Variants in REPS2 observed in about 807,000 individuals in gnomAD.
The protein encoded by REPS2 is RALBP1 associated Eps domain containing 2.
REPS2 carries 23 observed loss-of-function variants against 53.6 expected under a neutral mutation model. The observed-to-expected ratio is 0.43, with a 90% CI of 0.31 to 0.61. REPS2 has a LOEUF of 0.61. Among genes scored for constraint, REPS2 ranks in the 20% least tolerant of loss-of-function variants. REPS2 has a pLI of 0.11. For missense variants in REPS2, 446 were observed against 534.9 expected, an observed-to-expected ratio of 0.83 and a Z score of 1.64; for synonymous variants, 238 against 218.6, an observed-to-expected ratio of 1.09 and a Z score of -0.78.
intron 13 of REPS2, among the ~76,000 whole-genome samples, chrX:17,101,751 C>G (rs973736172): frequency 4.5e-5 from 5 of 111,866 alleles, no homozygotes; most frequent in Non-Finnish European, 9.4e-5. Context: ...TGGTTGGTTC[C>G]TCTCTCTCAG....
chrX:16,948,995 C>A (rs903654254), intron 1 of REPS2, among the ~76,000 whole-genome samples: 25 of 111,459 alleles, frequency 2.2e-4, no homozygotes, highest in African/African-American at 7.8e-4. Context: ...ACATTGAAGG[C>A]ATCCTGGACA....
intron 14 of REPS2, among the ~76,000 whole-genome samples, chrX:17,107,846 A>G (rs2062895134): frequency 8.9e-6 from 1 of 112,189 alleles, no homozygotes. Context: ...AAAAAGACTT[A>G]TTTATAGCAT....
intron 6 of REPS2, among the ~76,000 whole-genome samples, chrX:17,051,108 A>G (rs1429277883): frequency 9.0e-6 from 1 of 111,140 alleles, no homozygotes; most frequent in African/African-American, 3.3e-5. Context: ...AGAACATGCG[A>G]TGTTTGTCTT....
intron 4 of REPS2, among the ~76,000 whole-genome samples, chrX:17,025,429 A>G (rs2061632003): frequency 1.8e-5 from 2 of 112,417 alleles, no homozygotes; most frequent in African/African-American, 6.5e-5. Context: ...GTAAACAGCT[A>G]GATGATTTAA....
At chrX:16,955,467 T>C (rs1398154333) in intron 1 of REPS2, among the ~76,000 whole-genome samples, 2 of 111,942 alleles carry the variant, frequency 1.8e-5, no homozygotes, top group Middle Eastern at 4.6e-3. Context: ...CATGGCTCAG[T>C]TGGGTCCTCA....
intron 17 of REPS2, among the ~76,000 whole-genome samples, chrX:17,140,738 T>TTAA (rs1436261471): frequency 8.0e-5 from 1 of 12,540 alleles, no homozygotes. Flanking sequence ...TGCACAAATA[T>TTAA]TATTATTATT....
At chrX:17,109,368 G>A (rs192522138) in intron 14 of REPS2, among the ~76,000 whole-genome samples, 57 of 111,593 alleles carry the variant, frequency 5.1e-4, no homozygotes, top group African/African-American at 1.8e-3. Context: ...TGATTCTGAA[G>A]TGCAGCCAGA....
intron 17 of REPS2, among the ~76,000 whole-genome samples, chrX:17,140,005 C>T (rs2063421449): frequency 8.9e-6 from 1 of 111,839 alleles, no homozygotes; most frequent in Non-Finnish European, 1.9e-5. Flanking sequence ...ACTATATCCC[C>T]CAGTTCTCTA....
chrX:17,179,339 CT>C, the REPS2 span, among the ~76,000 whole-genome samples: 325 of 111,716 alleles, frequency 2.9e-3, no homozygotes, highest in African/African-American at 0.01. Flanking sequence ...ACAACTTCTA[CT>C]AGATTCTTTT....
the REPS2 span, among the ~76,000 whole-genome samples, chrX:17,184,869 C>T: frequency 2.7e-5 from 3 of 112,019 alleles, no homozygotes; most frequent in African/African-American, 6.5e-5. Context: ...TTTTAATGTA[C>T]GTGTTACAAT....
Position 17,143,139 on chromosome X carries a change from C to A in REPS2, c.1914+4178C>A, listed in dbSNP as rs748809604. ...AAAACTATAGTGATGTGAAACAAATCAGTGGCTATCAGGGGTTATGCATGA... is the reference window on the plus strand; with the variant it reads ...AAAACTATAGTGATGTGAAACAAATAAGTGGCTATCAGGGGTTATGCATGA... On this transcript the variant is annotated intron_variant, in intron 17 of 17. Transcript: ENST00000357277. 5.4e-5 allele frequency among the ~76,000 whole-genome samples: 6 copies of A among 111,488 alleles called. No homozygotes were observed. In the South Asian group the frequency reaches 2.3e-3, roughly 42 times the overall value.
At position 16,971,164 on chromosome X, in the gene REPS2, A is replaced by G. The variant is rs980215329; in HGVS notation, c.273+24030A>G. 6.2e-5 allele frequency among the ~76,000 whole-genome samples: 7 copies of G among 112,207 alleles called. No individual in the cohort carries two copies. In the East Asian group the frequency reaches 2.0e-3, roughly 31 times the overall value. On this transcript the variant is annotated intron_variant, in intron 1 of 17. Transcript: ENST00000357277. ...TCCTTACCAACGTTTGTTATTGTCT[A>G]TCTTTTTGATTATGGCTATCCTAGT...
intron 13 of REPS2, among the ~76,000 whole-genome samples, chrX:17,097,403 A>G (rs2062718712): frequency 8.9e-6 from 1 of 112,439 alleles, no homozygotes; most frequent in South Asian, 3.6e-4. Flanking sequence ...AGCTTTTAGC[A>G]CTGAGTGATA....
rs2062170849 is a variant in REPS2 at position 17,062,439 on chromosome X, T to C, written c.1116T>C (p.Ala372=). The C allele has an allele frequency of 8.4e-7, 1 of 1,190,297 alleles. No individual in the cohort carries two copies. ...PTLQPEYLQA[A]FPKPKWDCQL... is the part of the protein sequence containing the mutation. ...TATATTCTTTTTGTTTCTTCTTAGC[T>C]TTTCCTAAGCCCAAATGGGACTGTC... The change falls in exon 9 of 18, where the codon GCT becomes GCC. Residue 372 remains alanine (A), a splice_region_variant and synonymous_variant. Coordinates refer to ENST00000357277, the MANE Select transcript of REPS2 (RefSeq NM_004726.3).
At chrX:17,110,547 C>G (rs1376361266) in intron 14 of REPS2, among the ~76,000 whole-genome samples, 2 of 104,803 alleles carry the variant, frequency 1.9e-5, no homozygotes, top group African/African-American at 7.0e-5. Context: ...CAAAAATTAG[C>G]CGGGCGGGGT....
At chrX:17,122,214 C>T (rs190126015) in intron 14 of REPS2, among the ~76,000 whole-genome samples, 22 of 111,500 alleles carry the variant, frequency 2.0e-4, no homozygotes, top group Admixed American at 7.6e-4. Context: ...GTTTTCCAGT[C>T]GCTATCTCTT....
At chrX:16,973,922 A>G (rs543981367) in intron 1 of REPS2, among the ~76,000 whole-genome samples, 1 of 111,369 alleles carries the variant, frequency 9.0e-6, no homozygotes, top group South Asian at 3.7e-4. Flanking sequence ...TAAATCTAGT[A>G]TACAGTTTCA....
intron 1 of REPS2, among the ~76,000 whole-genome samples, chrX:16,992,231 C>G (rs752543221): frequency 9.0e-5 from 10 of 110,625 alleles, no homozygotes; most frequent in Non-Finnish European, 1.5e-4. Context: ...TTGTTTGCCC[C>G]TTCCAGTATG....
chrX:16,982,412 A>G (rs1431317269), intron 1 of REPS2, among the ~76,000 whole-genome samples: 1 of 112,156 alleles, frequency 8.9e-6, no homozygotes, highest in African/African-American at 3.2e-5. Context: ...AGAATCCCTG[A>G]AGCACTTTTA....
Sources: gnomAD v4.1 joint callset for allele counts (sites outside exome capture counted in the v4.1 genomes callset) on GRCh38, gnomAD v4.1.1 for gene constraint, MANE v1.5 for transcripts, NCBI Gene and HGNC (gene_info 2026-07-23, HGNC 2026-07-21) for gene names.